Variants in CFLAR observed in about 807,000 individuals in gnomAD.
CFLAR encodes CASP8 and FADD like apoptosis regulator, also known as CASP8 and FADD-like apoptosis regulator.
CFLAR carries 14 observed loss-of-function variants against 51.1 expected under a neutral mutation model. That is an observed-to-expected ratio of 0.27 (90% CI 0.18 to 0.43). The LOEUF (loss-of-function observed/expected upper bound fraction) is 0.43. Ranked by LOEUF, CFLAR falls within the 20% of genes least tolerant of loss-of-function variation. The probability of loss-of-function intolerance (pLI) is 1.00; values close to 1 mark genes in which losing one functional copy is unlikely to be tolerated. For synonymous variants in CFLAR, 210 were observed against 211.6 expected (o/e 0.99, Z 0.06); for missense variants, 390 against 566.5 (o/e 0.69, Z 3.16).
rs919955780 is a variant in CFLAR at position 201,140,344 on chromosome 2, T to G, written c.524-13T>G. The G allele has an allele frequency of 6.3e-7, 1 of 1,595,550 alleles. No individual in the cohort carries two copies. The highest frequency in any genetic ancestry group is 8.6e-7 in the Non-Finnish European group (1 of 1,167,958). On this transcript the variant is annotated splice_polypyrimidine_tract_variant and intron_variant, in intron 4 of 9. Coordinates refer to ENST00000309955, the MANE Select transcript of CFLAR (RefSeq NM_003879.7). Reference sequence around the variant, plus strand: ...GTAAGTTTTAACTCAGTACCTCCCTTCTGCTTTTATAGTTCAAGGAGCAGG... The same window carrying G: ...GTAAGTTTTAACTCAGTACCTCCCTGCTGCTTTTATAGTTCAAGGAGCAGG...
At chr2:201,145,484 A>G (rs1359225318) in intron 6 of CFLAR, 52 bp downstream of exon 6, 6 of 1,143,608 alleles carry the variant, frequency 5.2e-6, no homozygotes, top group African/African-American at 1.5e-5. Context: ...TGATAATTCT[A>G]GTACAAATAT....
intron 5 of CFLAR, chr2:201,141,813 T>A: frequency 4.5e-6 from 1 of 221,460 alleles, no homozygotes; most frequent in Non-Finnish European, 7.8e-6. Flanking sequence ...TGGTGTAATC[T>A]TATCCTCATG....
intron 1 of CFLAR, among the ~76,000 whole-genome samples, chr2:201,120,440 C>T (rs1393850105): frequency 1.3e-5 from 2 of 152,064 alleles, no homozygotes; most frequent in African/African-American, 4.8e-5. Flanking sequence ...CTCTTATTCT[C>T]GATACTGGGT....
intron 5 of CFLAR, 192 bp downstream of exon 5, chr2:201,140,631 C>A: frequency 1.9e-6 from 1 of 523,618 alleles, no homozygotes; most frequent in Non-Finnish European, 3.3e-6. Context: ...TATTTGGAGA[C>A]TATAGAGAAA....
At chr2:201,152,586 T>C (rs1040671112) in intron 8 of CFLAR, among the ~76,000 whole-genome samples, 33 of 152,092 alleles carry the variant, frequency 2.2e-4, no homozygotes, top group African/African-American at 7.7e-4. Context: ...GTACATAGAG[T>C]CTGATCTCAG....
rs1943415918 is a variant in CFLAR, at chr2:201,165,190, T to C, written c.*1217T>C. 1 of 151,890 alleles carries C rather than the reference T, an allele frequency of 6.6e-6. No individual in the cohort carries two copies. The highest frequency in any genetic ancestry group is 1.9e-4 in the East Asian group (1 of 5,192). 9.4% of individuals were successfully genotyped at this position (151,890 alleles called of 1,614,324 possible). Reference sequence around the variant, plus strand: ...CTAGTCAAGTATATCTTTCTCTGATTTGATAGTGTGACCTAAAAGGGGACC... The same window carrying C: ...CTAGTCAAGTATATCTTTCTCTGATCTGATAGTGTGACCTAAAAGGGGACC... On this transcript the variant is annotated 3_prime_UTR_variant, in exon 10 of 10. Coordinates refer to ENST00000309955, the MANE Select transcript of CFLAR (RefSeq NM_003879.7).
chr2:201,128,976 T>G (rs766999694), intron 1 of CFLAR, among the ~76,000 whole-genome samples: 14 of 152,208 alleles, frequency 9.2e-5, no homozygotes, highest in African/African-American at 2.4e-5. Flanking sequence ...GATGTTCCAC[T>G]GAGAACATCA....
chr2:201,156,732 C>G (rs373228016), intron 8 of CFLAR, among the ~76,000 whole-genome samples: 6 of 151,790 alleles, frequency 4.0e-5, no homozygotes, highest in Admixed American at 2.0e-4. Flanking sequence ...CCCACCCCCC[C>G]ACATCATTTC....
chr2:201,125,091 A>G (rs2048553880), intron 1 of CFLAR, among the ~76,000 whole-genome samples: 2 of 152,226 alleles, frequency 1.3e-5, no homozygotes, highest in Admixed American at 1.3e-4. Context: ...TTTTAATGCA[A>G]TATTTTAAAA....
intron 6 of CFLAR, among the ~76,000 whole-genome samples, chr2:201,147,421 C>T (rs777013456): frequency 7.2e-5 from 11 of 151,992 alleles, no homozygotes; most frequent in African/African-American, 4.8e-5. Flanking sequence ...CCCAGATACT[C>T]GGGAGGCTGA....
At chr2:201,162,249 C>G (rs1051028193) in intron 9 of CFLAR, among the ~76,000 whole-genome samples, 3 of 151,744 alleles carry the variant, frequency 2.0e-5, no homozygotes, top group African/African-American at 7.3e-5. Flanking sequence ...ACTACAGGCG[C>G]ACACCACTAC....
chr2:201,158,548 AT>A (rs1189288684), intron 8 of CFLAR, among the ~76,000 whole-genome samples: 15 of 152,124 alleles, frequency 9.9e-5, no homozygotes, highest in African/African-American at 2.7e-4. Flanking sequence ...ATACTCCATG[AT>A]TAGAGACGTG....
At chr2:201,163,533 A>T (rs1274599324) in intron 9 of CFLAR, 3 of 1,178,020 alleles carry the variant, frequency 2.5e-6, no homozygotes, top group Non-Finnish European at 3.2e-6. Context: ...TAGATACTCC[A>T]TGGGCCGGTG....
rs536132730 is a variant in CFLAR, at chr2:201,138,830, G to A, written c.524-1527G>A. The A allele has an allele frequency of 1.1e-4, 78 of 741,138 alleles. No homozygotes were observed. The highest frequency in any genetic ancestry group is 1.7e-5 in the Non-Finnish European group (7 of 401,336). 45.9% of individuals were successfully genotyped at this position (741,138 alleles called of 1,614,324 possible). Reference sequence around the variant, plus strand: ...TCAGAGCCATCACGATGGCCAGGTCGGCCTCTGTCACAGTGTCCATGGGGG... The same window carrying A: ...TCAGAGCCATCACGATGGCCAGGTCAGCCTCTGTCACAGTGTCCATGGGGG... On this transcript the variant is annotated intron_variant, in intron 4 of 9. Transcript: ENST00000309955. This position sits in a 1 kb window ranked among gnomAD's most constrained non-coding sequence, Gnocchi z 4.0.
intron 1 of CFLAR, among the ~76,000 whole-genome samples, chr2:201,126,398 T>C (rs754914039): frequency 6.6e-6 from 1 of 152,146 alleles, no homozygotes; most frequent in Non-Finnish European, 1.5e-5. Context: ...TATCAGTTAA[T>C]TGCATTCTTG....
chr2:201,136,514 G>T, intron 4 of CFLAR: 3 of 1,548,300 alleles, frequency 1.9e-6, no homozygotes, highest in Non-Finnish European at 2.6e-6. Context: ...TTCCTTGCAT[G>T]TGTCCCAAGT....
At position 201,168,262 on chromosome 2, in the gene CFLAR, A is replaced by T. The variant is rs895867959; in HGVS notation, c.*4289A>T. On this transcript the variant is annotated 3_prime_UTR_variant, in exon 10 of 10. Transcript: ENST00000309955. ...GTCTCAAAAATAAATAAATAAATAAATAATAAATAAAATGTTTGGAATGTT... is the reference window on the plus strand; with the variant it reads ...GTCTCAAAAATAAATAAATAAATAATTAATAAATAAAATGTTTGGAATGTT... 1 of 152,126 alleles carries T rather than the reference A, an allele frequency of 6.6e-6. No homozygotes were observed. The highest frequency in any genetic ancestry group is 2.4e-5 in the African/African-American group (1 of 41,552). 9.4% of individuals were successfully genotyped at this position (152,126 alleles called of 1,614,324 possible). A position where few individuals can be genotyped will look rare whatever the true frequency, so the allele number is the denominator to read the frequency against.
At chr2:201,134,560 A>G (rs58886660) in intron 3 of CFLAR, among the ~76,000 whole-genome samples, 37,216 of 151,624 alleles carry the variant, frequency 0.25, 5,530 homozygotes, top group African/African-American at 0.42. Flanking sequence ...GCTAGAACCC[A>G]GGAGGCAGAG....
Position 201,124,395 on chromosome 2 carries a change from G to A in CFLAR, c.-137-5334G>A, listed in dbSNP as rs2048483938. Among the ~76,000 whole-genome samples the A allele has an allele frequency of 1.3e-5, 2 of 152,132 alleles. No homozygotes were observed. The highest frequency in any genetic ancestry group is 2.9e-5 in the Non-Finnish European group (2 of 68,016). On this transcript the variant is annotated intron_variant, in intron 1 of 9. Transcript: ENST00000309955. This position sits in a 1 kb window ranked among gnomAD's most constrained non-coding sequence, Gnocchi z 4.7. Reference sequence around the variant, plus strand: ...GTTGCCCAGGCTGGAGTGCAGTGGCGCAATCTTAGCTCACTGGCAACCTCC... The same window carrying A: ...GTTGCCCAGGCTGGAGTGCAGTGGCACAATCTTAGCTCACTGGCAACCTCC...
Sources: gnomAD v4.1 joint callset for allele counts (sites outside exome capture counted in the v4.1 genomes callset) on GRCh38, gnomAD v4.1.1 for gene constraint, Gnocchi (gnomAD v3.1) non-coding constraint, MANE v1.5 for transcripts, NCBI Gene and HGNC (gene_info 2026-07-23, HGNC 2026-07-21) for gene names.